Variants in PLAC1 observed in about 807,000 individuals in gnomAD.
PLAC1 encodes the protein placenta associated 1.
For synonymous variants in PLAC1, 68 were observed against 62.1 expected (o/e 1.09, Z -0.44); for missense variants, 136 against 163.2 (o/e 0.83, Z 0.91).
chrX:134,677,397 T>C (rs763381054), intron 2 of PLAC1, among the ~76,000 whole-genome samples: 7 of 112,037 alleles, frequency 6.2e-5, no homozygotes, highest in African/African-American at 2.3e-4. Context: ...AACAAATACC[T>C]GATATAATTT....
intron 1 of PLAC1, among the ~76,000 whole-genome samples, chrX:134,758,334 A>G (rs893974589): frequency 8.0e-5 from 9 of 111,966 alleles, no homozygotes; most frequent in Admixed American, 7.6e-4. Flanking sequence ...AAAAGAGTCC[A>G]AGTAACCAAA....
intron 2 of PLAC1, among the ~76,000 whole-genome samples, chrX:134,701,730 CAAT>C (rs1230962613): frequency 1.8e-5 from 2 of 112,374 alleles, no homozygotes; most frequent in East Asian, 5.6e-4. Flanking sequence ...ATCAAAACCA[CAAT>C]GAGACCAGGC....
At chrX:134,627,414 T>C (rs930589613) in intron 1 of PLAC1, among the ~76,000 whole-genome samples, 3 of 112,288 alleles carry the variant, frequency 2.7e-5, no homozygotes, top group African/African-American at 6.5e-5. Flanking sequence ...AAAATATGTT[T>C]CTTTCAGGCC....
intron 2 of PLAC1, among the ~76,000 whole-genome samples, chrX:134,586,160 A>C (rs2077999075): frequency 8.9e-6 from 1 of 111,813 alleles, no homozygotes; most frequent in African/African-American, 3.3e-5. Context: ...CTCTGTAAAT[A>C]ATTGTTGGGT....
At chrX:134,571,915 G>A (rs1602785597) in intron 2 of PLAC1, among the ~76,000 whole-genome samples, 1 of 111,780 alleles carries the variant, frequency 8.9e-6, no homozygotes, top group African/African-American at 3.2e-5. Flanking sequence ...AGCTTTTTGG[G>A]TCGACAGTTA....
chrX:134,663,676 A>G (rs1026763408), intron 2 of PLAC1, among the ~76,000 whole-genome samples: 6 of 112,502 alleles, frequency 5.3e-5, no homozygotes, highest in African/African-American at 1.9e-4. Flanking sequence ...TCTTCATTTG[A>G]TCATGGTGAT....
chrX:134,742,345 T>G (rs1249809770), intron 1 of PLAC1, among the ~76,000 whole-genome samples: 1 of 112,347 alleles, frequency 8.9e-6, no homozygotes, highest in Non-Finnish European at 1.9e-5. Context: ...CCCAGCACTT[T>G]GGGAGGCTGA....
chrX:134,593,305 T>C (rs2078048086), intron 2 of PLAC1, among the ~76,000 whole-genome samples: 2 of 112,388 alleles, frequency 1.8e-5, no homozygotes, highest in South Asian at 7.4e-4. Context: ...CCACACAGTC[T>C]TGATTACTGT....
chrX:134,759,497 A>G lies in PLAC1; in HGVS notation n.89+4737T>C, dbSNP rs759329783. Among the ~76,000 whole-genome samples the G allele has an allele frequency of 2.9e-4, 32 of 111,787 alleles. No homozygotes were observed. The South Asian group carries it at 0.011, about 37-fold the overall frequency. ...GGGAATGTAGACTAGTATAGCCACT[A>G]TGGAAAACAGTATGGAGATTTCTCA... On this transcript the variant is annotated intron_variant and non_coding_transcript_variant, in intron 1 of 2. Coordinates refer to the PLAC1 transcript ENST00000466797.
intron 2 of PLAC1, among the ~76,000 whole-genome samples, chrX:134,590,023 A>G (rs752838508): frequency 0.011 from 563 of 52,210 alleles, 3 homozygotes; most frequent in African/African-American, 0.031. Context: ...GTGAAAACCC[A>G]TCTGTACTAA....
rs931530949 is a variant in PLAC1, at chrX:134,737,954, A to T, written n.90-4435T>A. On this transcript the variant is annotated intron_variant and non_coding_transcript_variant, in intron 1 of 2. Transcript: ENST00000466797. ...CAACACAGACAAGTAGGGGAGGGCG[A>T]GGCTGATGCAATCACAGAGGGAGGA... Among the ~76,000 whole-genome samples the T allele has an allele frequency of 3.1e-4, 35 of 111,735 alleles. No homozygotes were observed. The Admixed American group carries it at 3.2e-3, about 10-fold the overall frequency.
chrX:134,569,513 G>T (rs1163087182), intron 2 of PLAC1, among the ~76,000 whole-genome samples: 1 of 111,854 alleles, frequency 8.9e-6, no homozygotes, highest in East Asian at 2.8e-4. Flanking sequence ...CTTCAGCTCA[G>T]ATAAAGCTTA....
At chrX:134,629,481 G>C (rs1476701226) in intron 1 of PLAC1, among the ~76,000 whole-genome samples, 2 of 111,342 alleles carry the variant, frequency 1.8e-5, no homozygotes, top group East Asian at 5.6e-4. Context: ...TGACTGTTGA[G>C]TATCAATATT....
intron 2 of PLAC1, among the ~76,000 whole-genome samples, chrX:134,733,060 ACACT>A (rs1315300084): frequency 9.0e-6 from 1 of 111,552 alleles, no homozygotes; most frequent in Non-Finnish European, 1.9e-5. Context: ...CATGGTACAC[ACACT>A]CACACACCCC....
chrX:134,753,535 C>T (rs1367218693), intron 1 of PLAC1, among the ~76,000 whole-genome samples: 1 of 110,233 alleles, frequency 9.1e-6, no homozygotes, highest in Admixed American at 9.9e-5. Context: ...ATAAGCCCAA[C>T]GACATCAACT....
chrX:134,663,198 T>G (rs59521770), upstream of PLAC1, among the ~76,000 whole-genome samples: 934 of 112,481 alleles, frequency 8.3e-3, 16 homozygotes, highest in African/African-American at 0.029. Context: ...ACATGCATTT[T>G]GTTGTTTTGC....
intron 1 of PLAC1, among the ~76,000 whole-genome samples, chrX:134,640,848 G>A (rs1308136728): frequency 2.7e-5 from 3 of 112,246 alleles, no homozygotes; most frequent in African/African-American, 3.2e-5. Context: ...GCAGTGGCTC[G>A]CACTTGTAAT....
intron 1 of PLAC1, among the ~76,000 whole-genome samples, chrX:134,751,606 T>G (rs972988515): frequency 4.5e-5 from 5 of 111,598 alleles, no homozygotes; most frequent in Admixed American, 9.5e-5. Flanking sequence ...AAATGTCTCC[T>G]CTCTATCCTG....
intron 1 of PLAC1, among the ~76,000 whole-genome samples, chrX:134,741,412 GTTAAA>G (rs2078716679): frequency 8.9e-6 from 1 of 111,967 alleles, no homozygotes; most frequent in Non-Finnish European, 1.9e-5. Context: ...TTTCCTTTTT[GTTAAA>G]TTAAGTAGCA....
Sources: gnomAD v4.1 joint callset for allele counts (sites outside exome capture counted in the v4.1 genomes callset) on GRCh38, gnomAD v4.1.1 for gene constraint, MANE v1.5 for transcripts, NCBI Gene and HGNC (gene_info 2026-07-23, HGNC 2026-07-21) for gene names.